MGST2: variants seen among roughly 807,000 people sequenced by gnomAD.
The protein encoded by MGST2 is glutathione peroxidase MGST2.
A neutral mutation model predicts 16.6 loss-of-function variants in MGST2; 9 were observed. The observed-to-expected ratio is 0.54, with a 90% CI of 0.33 to 0.95. The LOEUF is 0.95. Ranked by LOEUF, MGST2 falls within the 40% of genes least tolerant of loss-of-function variation. The pLI is 0.03. For missense variants in MGST2, 159 were observed against 175.1 expected (o/e 0.91, Z 0.52); for synonymous variants, 79 against 68.0 (o/e 1.16, Z -0.79).
Position 139,703,586 on chromosome 4 carries a change from G to A in MGST2, c.311+50G>A. The A allele has an allele frequency of 1.9e-6, 3 of 1,546,364 alleles. No individual in the cohort carries two copies. The South Asian group carries it at 3.3e-5, about 17-fold the overall frequency. On this transcript the variant is annotated intron_variant, in intron 4 of 4. Coordinates refer to ENST00000265498, the MANE Select transcript of MGST2 (RefSeq NM_002413.5). ...ATTTATGCAAAAAGTAGCAGGATAA[G>A]GTCTGGGTCAGTTTCCTTCTCCTGA...
intron 5 of MGST2, chr4:139,719,640 G>A (rs1291972446): frequency 6.2e-7 from 1 of 1,612,516 alleles, no homozygotes; most frequent in African/African-American, 1.3e-5. Context: ...TGCCCCGGGA[G>A]CGATGGCATC....
intron 5 of MGST2, chr4:139,719,431 AC>A: frequency 6.2e-7 from 1 of 1,613,874 alleles, no homozygotes; most frequent in Non-Finnish European, 8.5e-7. Flanking sequence ...CAGGGAAGGA[AC>A]CCCCAGCTCC....
At chr4:139,712,131 C>T (rs1727765547) in intron 5 of MGST2, among the ~76,000 whole-genome samples, 1 of 152,138 alleles carries the variant, frequency 6.6e-6, no homozygotes, top group Non-Finnish European at 1.5e-5. Flanking sequence ...TAAAGTTATT[C>T]CAAGCAAGCT....
At chr4:139,695,636 A>G (rs992670683) in intron 3 of MGST2, among the ~76,000 whole-genome samples, 4 of 152,206 alleles carry the variant, frequency 2.6e-5, no homozygotes, top group South Asian at 2.1e-4. Flanking sequence ...AAACAAAAAA[A>G]GGAGCAGATA....
chr4:139,730,660 T>C, intron 5 of MGST2: 1 of 1,611,754 alleles, frequency 6.2e-7, no homozygotes, highest in Non-Finnish European at 8.5e-7. Context: ...TCCAACTGGA[T>C]GCTGCTCCTG....
At chr4:139,716,767 CTT>C (rs1491564870) in intron 5 of MGST2, 1 of 152,428 alleles carries the variant, frequency 6.6e-6, no homozygotes, top group Non-Finnish European at 1.5e-5. Context: ...TTCAGATAAT[CTT>C]TTATTTTTGT....
At chr4:139,688,615 CTA>C (rs1429988868) in intron 2 of MGST2, among the ~76,000 whole-genome samples, 2 of 151,574 alleles carry the variant, frequency 1.3e-5, no homozygotes, top group African/African-American at 4.9e-5. Context: ...TGTCTAAAAA[CTA>C]TGGAGAAAAA....
intron 5 of MGST2, chr4:139,717,984 A>C (rs1304870663): frequency 6.6e-6 from 1 of 152,114 alleles, no homozygotes; most frequent in Non-Finnish European, 1.5e-5. Context: ...CTTTCTATCC[A>C]AATTTGTAAG....
At chr4:139,695,125 C>T in intron 2 of MGST2, 72 bp from the exon 3 acceptor site, 10 of 1,070,964 alleles carry the variant, frequency 9.3e-6, no homozygotes, top group Non-Finnish European at 1.3e-5. Context: ...ACATTTACCT[C>T]TAGATGAAAA....
intron 3 of MGST2, among the ~76,000 whole-genome samples, chr4:139,695,751 T>C (rs774450517): frequency 6.6e-6 from 1 of 152,228 alleles, no homozygotes; most frequent in Non-Finnish European, 1.5e-5. Flanking sequence ...TCTAATTTAA[T>C]TCAATAATGA....
chr4:139,704,118 T>A lies in MGST2; in HGVS notation c.414T>A (p.Asn138Lys), dbSNP rs761272289. 1 of 1,614,222 alleles carries A rather than the reference T, an allele frequency of 6.2e-7. No homozygotes were observed. The highest frequency in any genetic ancestry group is 8.5e-7 in the Non-Finnish European group (1 of 1,180,038). The change falls in exon 5 of 5, where the codon AAT becomes AAA. Residue 138 changes from asparagine (N) to lysine (K), a missense_variant. Transcript: ENST00000265498. The part of the protein sequence containing the change: ...NSFLDEYLDL[N>K]IAKKLRRQF ...TTCTGGATGAATATCTGGACCTCAA[T>A]ATTGCCAAGAAACTGAGGCGGCAAT...
At chr4:139,666,204 A>G in intron 1 of MGST2, 127 bp downstream of exon 1, 3 of 1,002,038 alleles carry the variant, frequency 3.0e-6, no homozygotes, top group Middle Eastern at 3.0e-4. Flanking sequence ...TTGCCCTTGC[A>G]GGTAGCTCTG....
downstream of MGST2, among the ~76,000 whole-genome samples, chr4:139,708,797 G>GT (rs1727619177): frequency 6.6e-6 from 1 of 152,114 alleles, no homozygotes; most frequent in Middle Eastern, 3.4e-3. Flanking sequence ...GAGGTCAAGA[G>GT]TTTGAGACCA....
chr4:139,707,878 C>T (rs1727582760), downstream of MGST2, among the ~76,000 whole-genome samples: 2 of 151,724 alleles, frequency 1.3e-5, no homozygotes, highest in South Asian at 2.1e-4. Context: ...CTGTTCATGT[C>T]CTTCGCCCAC....
Position 139,738,717 on chromosome 4 carries a change from GA to G in MGST2, c.*49-1486del, listed in dbSNP as rs374950034. 9.9e-3 allele frequency among the ~76,000 whole-genome samples: 1,478 copies of G among 149,084 alleles called. 13 individuals carry two copies. Among genetic ancestry groups the G allele is most frequent in the African/African-American group, 0.033 (1,346 of 40,600 alleles). ...GTATAGATAGAAAAAAAGGTACAGA[GA>G]AAAAAAAATGCAGAAAAGTATAGAT... is the stretch of plus-strand genomic sequence containing the variant. On this transcript the variant is annotated intron_variant, in intron 5 of 5. Coordinates refer to the MGST2 transcript ENST00000616265.
chr4:139,686,265 G>T (rs981162009), intron 2 of MGST2, among the ~76,000 whole-genome samples: 2 of 152,186 alleles, frequency 1.3e-5, no homozygotes, highest in African/African-American at 4.8e-5. Flanking sequence ...AGAAGGGAAT[G>T]TCTGGGTTAA....
At chr4:139,670,226 G>A in intron 1 of MGST2, among the ~76,000 whole-genome samples, 1 of 121,390 alleles carries the variant, frequency 8.2e-6, no homozygotes, top group South Asian at 3.1e-4. Flanking sequence ...CATATTTTGA[G>A]GTGTAATATT....
At chr4:139,693,813 A>G (rs189946422) in intron 2 of MGST2, among the ~76,000 whole-genome samples, 9 of 152,336 alleles carry the variant, frequency 5.9e-5, no homozygotes, top group Non-Finnish European at 7.3e-5. Context: ...CCACAGTCCA[A>G]AAAGGAAGAA....
rs200533863 is a variant in MGST2, at chr4:139,668,595, CAGAGAGAG to C, written c.58+2531_58+2538del. Reference sequence around the variant, plus strand: ...GGGAAGGTGGGGTTCAAGAAAGACACAGAGAGAGAGAGAGAGAGAGGAGGGGGAGGGGG... The same window carrying C: ...GGGAAGGTGGGGTTCAAGAAAGACACAGAGAGAGAGAGGAGGGGGAGGGGG... On this transcript the variant is annotated intron_variant, in intron 1 of 4. Transcript: ENST00000265498. Among the ~76,000 whole-genome samples the C allele has an allele frequency of 4.4e-5, 6 of 135,180 alleles. No homozygotes were observed. The East Asian group carries it at 1.1e-3, about 24-fold the overall frequency. 88.7% of individuals were successfully genotyped at this position (135,180 alleles called of 152,430 possible). A position where few individuals can be genotyped will look rare whatever the true frequency, so the allele number is the denominator to read the frequency against.
Sources: gnomAD v4.1 joint callset for allele counts (sites outside exome capture counted in the v4.1 genomes callset) on GRCh38, gnomAD v4.1.1 for gene constraint, MANE v1.5 for transcripts, NCBI Gene and HGNC (gene_info 2026-07-23, HGNC 2026-07-21) for gene names.